The following PHF3 variants were observed in gnomAD, a reference collection of about 807,000 sequenced individuals.
PHF3 encodes the protein PHD finger protein 3.
In PHF3, 41 loss-of-function variants were observed where a neutral mutation model predicts 178.4. That is an observed-to-expected ratio of 0.23 (90% confidence interval 0.18 to 0.30). PHF3 has a LOEUF of 0.30. Among genes scored for constraint, PHF3 ranks in the 10% least tolerant of loss-of-function variants. The pLI is 1.00. For missense variants in PHF3, 2,346 were observed against 2,398.1 expected (o/e 0.98, Z 0.45); for synonymous variants, 842 against 800.5 (o/e 1.05, Z -0.88).
At chr6:63,646,876 C>T (rs369018233) in intron 2 of PHF3, 81 bp downstream of exon 2, 749 of 773,176 alleles carry the variant, frequency 9.7e-4, no homozygotes, top group African/African-American at 6.6e-3. Flanking sequence ...TTTCTTTTTT[C>T]TTTTTTTCTT....
chr6:63,712,272 G>A lies in PHF3; in HGVS notation c.4684G>A (p.Gly1562Ser). Residue 1562 changes from glycine (G) to serine (S), a missense_variant, in exon 16 of 16, where the codon GGT (glycine) becomes AGT (serine). Gly to Ser is a moderately conservative substitution (Grantham distance 56). This residue lies in a region of PHF3 where 839 missense variants were observed against 806.9 expected (regional missense o/e 1.04). Transcript: ENST00000262043. ...GTCTTTGACGAGTCTTAGTCTCAGA[G>A]GTAAGCCACCAGATGTTTCTACAGA... ...AGSLTSLSLR[G>S]KPPDVSTEAF... 6.2e-7 allele frequency: 1 copy of A among 1,613,842 alleles called. No individual in the cohort carries two copies. The highest frequency in any genetic ancestry group is 8.5e-7 in the Non-Finnish European group (1 of 1,179,922).
rs1306768698 is a variant in PHF3, at chr6:63,706,169, T to C, written c.3508T>C (p.Phe1170Leu). The change falls in exon 12 of 16, where the codon TTC (phenylalanine) becomes CTC (leucine). Residue 1170 changes from phenylalanine (F) to leucine (L), a missense_variant. Transcript: ENST00000262043. ...SSTSNILASE[F>L]FEEEKQESPK... ...AACCTCAAATATTTTGGCTTCTGAATTCTTTGAGGAGGAGAAACAGGAGTC... is the reference window on the plus strand; with the variant it reads ...AACCTCAAATATTTTGGCTTCTGAACTCTTTGAGGAGGAGAAACAGGAGTC... 3.7e-6 allele frequency: 6 copies of C among 1,614,028 alleles called. No homozygotes were observed. The South Asian group carries it at 6.6e-5, about 18-fold the overall frequency.
At position 63,714,316 on chromosome 6, in the gene PHF3, A is replaced by G. The variant is rs1768107636; in HGVS notation, c.*608A>G. On this transcript the variant is annotated 3_prime_UTR_variant, in exon 16 of 16. Transcript: ENST00000262043. ...AGCTTTGTGGTAGGCCATTATTTTC[A>G]TTTTCATTTTTGGCTCTTCAGAAAC... 1 of 152,480 alleles carries G rather than the reference A, an allele frequency of 6.6e-6. No homozygotes were observed. Among genetic ancestry groups the G allele is most frequent in the Non-Finnish European group, 1.5e-5 (1 of 67,990 alleles). The allele number at this position is 152,480 out of a possible 1,614,324, so 9.4% of individuals were successfully genotyped here. A position where few individuals can be genotyped will look rare whatever the true frequency, so the allele number is the denominator to read the frequency against.
In PHF3 at chr6:63,722,357, C is replaced by A. The variant is rs1390770923; in HGVS notation, c.*8649C>A. 6.6e-6 allele frequency among the ~76,000 whole-genome samples: 1 copy of A among 151,656 alleles called. No individual in the cohort carries two copies. Among genetic ancestry groups the A allele is most frequent in the African/African-American group, 2.4e-5 (1 of 41,410 alleles). On this transcript the variant is annotated 3_prime_UTR_variant, in exon 16 of 16. Transcript: ENST00000262043. ...TCAGGTTTCAGATCAAGTGTCACTT[C>A]CTCAGAGAAGTTTTCCTTGATTTCC... is the stretch of plus-strand genomic sequence containing the variant.
Position 63,706,853 on chromosome 6 carries a change from G to C in PHF3, c.3688G>C (p.Gly1230Arg). The change falls in exon 13 of 16, where the codon GGC becomes CGC. Residue 1230 changes from glycine (G) to arginine (R), a missense_variant. By Grantham distance (125) the Gly-to-Arg change is moderately radical (BLOSUM62 -2). Transcript: ENST00000262043. Reference protein sequence around the residue: ...KFVTKAYPVSGSPEYLTEDLP... With the variant: ...KFVTKAYPVSRSPEYLTEDLP... ...TGTTACCAAAGCCTATCCAGTATCT[G>C]GCTCCCCAGAATACCTGACAGAGGT... 6.2e-7 allele frequency: 1 copy of C among 1,613,866 alleles called. No homozygotes were observed. Among genetic ancestry groups the C allele is most frequent in the Non-Finnish European group, 8.5e-7 (1 of 1,179,874 alleles).
chr6:63,710,614 T>G (rs1233615485), intron 14 of PHF3, among the ~76,000 whole-genome samples: 2 of 152,190 alleles, frequency 1.3e-5, no homozygotes, highest in African/African-American at 4.8e-5. Flanking sequence ...CCAAATTACT[T>G]TACAAAATTT....
intron 4 of PHF3, among the ~76,000 whole-genome samples, chr6:63,690,293 C>T (rs961915033): frequency 2.0e-5 from 3 of 152,082 alleles, no homozygotes; most frequent in African/African-American, 7.2e-5. Context: ...CCTGCTAAAG[C>T]TAGCACAGGT....
intron 2 of PHF3, among the ~76,000 whole-genome samples, chr6:63,669,895 A>G (rs1765836430): frequency 6.6e-6 from 1 of 152,132 alleles, no homozygotes. Flanking sequence ...TATGACCTTT[A>G]CCTAGGTATG....
intron 2 of PHF3, among the ~76,000 whole-genome samples, chr6:63,672,192 A>G (rs983893402): frequency 6.6e-6 from 1 of 152,244 alleles, no homozygotes; most frequent in African/African-American, 2.4e-5. Flanking sequence ...GGCTGTATAA[A>G]TAAATGAACT....
intron 2 of PHF3, among the ~76,000 whole-genome samples, chr6:63,651,037 T>G (rs1346958653): frequency 6.6e-6 from 1 of 152,250 alleles, no homozygotes; most frequent in African/African-American, 2.4e-5. Flanking sequence ...TAGTTGATTT[T>G]TTTAAAGCTT....
Position 63,712,691 on chromosome 6 carries a change from G to A in PHF3, c.5103G>A (p.Leu1701=), listed in dbSNP as rs759353103. The A allele has an allele frequency of 1.1e-5, 18 of 1,613,924 alleles. No homozygotes were observed. Among genetic ancestry groups the A allele is most frequent in the Non-Finnish European group, 1.4e-5 (17 of 1,179,952 alleles). Residue 1701 remains leucine (L), a synonymous_variant, in exon 16 of 16, where the codon TTG becomes TTA. Transcript: ENST00000262043. ...LTEQINVEEK[L]CSAEKNSCVQ... is the part of the protein sequence containing the mutation. Reference sequence around the variant, plus strand: ...AACAAATCAATGTAGAGGAAAAGTTGTGTTCTGCAGAGAAAAACTCGTGTG... The same window carrying A: ...AACAAATCAATGTAGAGGAAAAGTTATGTTCTGCAGAGAAAAACTCGTGTG...
intron 2 of PHF3, among the ~76,000 whole-genome samples, chr6:63,667,846 G>T (rs950563869): frequency 3.9e-5 from 6 of 152,092 alleles, no homozygotes; most frequent in Non-Finnish European, 1.5e-5. Context: ...AAACATATTT[G>T]GCATTCGGAA....
In PHF3 at chr6:63,719,053, G is replaced by A. The variant is rs1768275875; in HGVS notation, c.*5345G>A. On this transcript the variant is annotated 3_prime_UTR_variant, in exon 16 of 16. Coordinates refer to ENST00000262043, the MANE Select transcript of PHF3 (RefSeq NM_001370348.2). ...AAAAAACAAACCTTTGAATCAATGTGTAAACATTCTGCAATTCTACCTTAT... is the reference window on the plus strand; with the variant it reads ...AAAAAACAAACCTTTGAATCAATGTATAAACATTCTGCAATTCTACCTTAT... Among the ~76,000 whole-genome samples, 1 of 151,966 alleles carries A rather than the reference G, an allele frequency of 6.6e-6. No homozygotes were observed. Among genetic ancestry groups the A allele is most frequent in the Admixed American group, 6.6e-5 (1 of 15,212 alleles).
At chr6:63,655,453 G>A (rs1487488221) in intron 2 of PHF3, among the ~76,000 whole-genome samples, 1 of 152,004 alleles carries the variant, frequency 6.6e-6, no homozygotes, top group Non-Finnish European at 1.5e-5. Context: ...GCTCAAGCGA[G>A]CTGCCCACCT....
chr6:63,687,904 CTG>C (rs982845918), intron 4 of PHF3, among the ~76,000 whole-genome samples: 6 of 152,132 alleles, frequency 3.9e-5, no homozygotes, highest in Non-Finnish European at 8.8e-5. Flanking sequence ...GGTTTACACT[CTG>C]TAATTGATGT....
chr6:63,721,781 GA>G lies in PHF3; in HGVS notation c.*8074del, dbSNP rs1768405801. ...GTTGAACGGAACTATTTACTAAAGA[GA>G]TGCATAAAAAATCACCTGCAAGAAA... On this transcript the variant is annotated 3_prime_UTR_variant, in exon 16 of 16. Transcript: ENST00000262043. 6.5e-7 allele frequency: 1 copy of G among 1,542,160 alleles called. No individual in the cohort carries two copies. The highest frequency in any genetic ancestry group is 1.4e-5 in the African/African-American group (1 of 72,538).
chr6:63,671,894 G>A (rs546483698), intron 2 of PHF3, among the ~76,000 whole-genome samples: 2 of 152,170 alleles, frequency 1.3e-5, no homozygotes, highest in East Asian at 1.9e-4. Flanking sequence ...TTACAGGCAC[G>A]CACCACCACA....
Position 63,647,209 on chromosome 6 carries a change from A to T in PHF3, c.244+414A>T, listed in dbSNP as rs1409002519. ...CCTGCTGGAGTCGGGGGATGGCTGA[A>T]TTGACCTTTCTCAGCATACCTCCCA... On this transcript the variant is annotated intron_variant, in intron 2 of 15. Transcript: ENST00000262043. 2.0e-5 allele frequency among the ~76,000 whole-genome samples: 3 copies of T among 152,060 alleles called. No individual in the cohort carries two copies. In the East Asian group the frequency reaches 5.8e-4, roughly 29 times the overall value.
Position 63,715,853 on chromosome 6 carries a change from C to G in PHF3, c.*2145C>G, listed in dbSNP as rs867014427. Among the ~76,000 whole-genome samples the G allele has an allele frequency of 1.8e-4, 28 of 152,022 alleles. No homozygotes were observed. The highest frequency in any genetic ancestry group is 6.5e-4 in the African/African-American group (27 of 41,400). On this transcript the variant is annotated 3_prime_UTR_variant, in exon 16 of 16. Coordinates refer to ENST00000262043, the MANE Select transcript of PHF3 (RefSeq NM_001370348.2). The stretch of plus-strand genomic sequence containing the variant: ...CAGATTTTTCAATGAGTAGTAGATC[C>G]AAAGCCATTCTCAGTCCCAGGTACA...
Sources: gnomAD v4.1 joint callset for allele counts (sites outside exome capture counted in the v4.1 genomes callset) on GRCh38, gnomAD v4.1.1 for gene constraint, gnomAD v4.1.1 regional missense constraint, MANE v1.5 for transcripts, NCBI Gene and HGNC (gene_info 2026-07-23, HGNC 2026-07-21) for gene names.